The following DIPK2B variants were observed in gnomAD, a reference collection of about 807,000 sequenced individuals.
DIPK2B encodes the protein UPF0672 protein CXorf36.
Under a neutral mutation model 22.2 loss-of-function variants are expected in DIPK2B, and 15 were observed. The observed-to-expected ratio is 0.68, with a 90% CI of 0.45 to 1.04. The LOEUF (loss-of-function observed/expected upper bound fraction) is 1.04, where lower values mean the gene tolerates loss of function less well. Ranked by LOEUF, DIPK2B falls within the 50% of genes least tolerant of loss-of-function variation. The probability of loss-of-function intolerance (pLI) is 0.00; values close to 1 mark genes in which losing one functional copy is unlikely to be tolerated. For missense variants in DIPK2B, 345 were observed against 348.3 expected (o/e 0.99, Z 0.08); for synonymous variants, 163 against 153.2 (o/e 1.06, Z -0.47).
chrX:45,152,699 G>A (rs2046968030), intron 4 of DIPK2B, among the ~76,000 whole-genome samples: 1 of 111,693 alleles, frequency 9.0e-6, no homozygotes, highest in Non-Finnish European at 1.9e-5. Context: ...GGGAGGCTGA[G>A]ATGGGTGGAT....
At chrX:45,185,524 AG>A (rs2047177357) in intron 2 of DIPK2B, among the ~76,000 whole-genome samples, 1 of 110,878 alleles carries the variant, frequency 9.0e-6, no homozygotes, top group African/African-American at 3.3e-5. Flanking sequence ...ATCATCTGGA[AG>A]GAGCCACTGG....
At chrX:45,187,644 C>T (rs2047190903) in intron 2 of DIPK2B, among the ~76,000 whole-genome samples, 1 of 111,550 alleles carries the variant, frequency 9.0e-6, no homozygotes, top group African/African-American at 3.3e-5. Context: ...GAGGGGAGCC[C>T]GGGACTCCCT....
intron 2 of DIPK2B, among the ~76,000 whole-genome samples, chrX:45,190,874 T>G (rs2047207202): frequency 8.9e-6 from 1 of 112,479 alleles, no homozygotes; most frequent in Non-Finnish European, 1.9e-5. Context: ...GTACTGTTAT[T>G]ACGGAAGTAT....
At chrX:45,189,952 T>C (rs1452864139) in intron 2 of DIPK2B, among the ~76,000 whole-genome samples, 1 of 112,239 alleles carries the variant, frequency 8.9e-6, no homozygotes, top group African/African-American at 3.2e-5. Flanking sequence ...GGCTGTGTCT[T>C]ACCAGCATGT....
chrX:45,166,978 C>A (rs375505005), intron 2 of DIPK2B, among the ~76,000 whole-genome samples: 150 of 112,337 alleles, frequency 1.3e-3, no homozygotes, highest in African/African-American at 4.6e-3. Flanking sequence ...TCTGGTTACA[C>A]ACCTGAACAA....
At position 45,158,749 on chromosome X, in the gene DIPK2B, A is replaced by C. The variant is rs184131368; in HGVS notation, c.499-861T>G. On this transcript the variant is annotated intron_variant, in intron 2 of 4. Transcript: ENST00000398000. ...TGGACAAGTTACTTAGTCTCTCTGT[A>C]CCTCCGGTTCCAGTTTGAAGTGAGG... 5.3e-3 allele frequency among the ~76,000 whole-genome samples: 592 copies of C among 111,742 alleles called. 5 individuals carry two copies. The highest frequency in any genetic ancestry group is 7.6e-3 in the Non-Finnish European group (403 of 53,151).
At chrX:45,178,997 C>T (rs1281695772) in intron 2 of DIPK2B, among the ~76,000 whole-genome samples, 2 of 111,388 alleles carry the variant, frequency 1.8e-5, no homozygotes, top group Non-Finnish European at 3.8e-5. Context: ...AAGAAAACTA[C>T]ACAAACAAAG....
intron 2 of DIPK2B, among the ~76,000 whole-genome samples, chrX:45,184,826 G>C (rs12689250): frequency 0.17 from 18,404 of 111,163 alleles, 1,239 homozygotes; most frequent in East Asian, 0.44. Context: ...TCATAGTTTG[G>C]GGAAATATAG....
chrX:45,179,413 A>T (rs747119150), intron 2 of DIPK2B, among the ~76,000 whole-genome samples: 1 of 111,232 alleles, frequency 9.0e-6, no homozygotes, highest in African/African-American at 3.3e-5. Context: ...AAGCAAAAAA[A>T]CGGAAAACTA....
At chrX:45,193,637 A>C (rs2047223693) in intron 1 of DIPK2B, among the ~76,000 whole-genome samples, 1 of 112,675 alleles carries the variant, frequency 8.9e-6, no homozygotes, top group Non-Finnish European at 1.9e-5. Context: ...GCGCCAGTGG[A>C]AACTGTCAGA....
Position 45,191,871 on chromosome X carries a change from G to C in DIPK2B, c.378C>G (p.Asp126Glu), listed in dbSNP as rs1460318852. 9.2e-5 allele frequency: 111 copies of C among 1,210,517 alleles called. No individual in the cohort carries two copies. The highest frequency in any genetic ancestry group is 1.2e-4 in the Non-Finnish European group (109 of 895,342). ...CTGATGCAGAGGCACAGATTCTCCT[G>C]TCTGAGATCTCGTTTTGATATTTGC... Reference protein sequence around the residue: ...LVSKYQNEISDRRICASASAP... With the variant: ...LVSKYQNEISERRICASASAP... The change falls in exon 2 of 5, where the codon GAC (aspartate) becomes GAG (glutamate). Residue 126 changes from aspartate to glutamate, a missense_variant. Transcript: ENST00000398000.
chrX:45,189,032 A>T (rs1169967502), intron 2 of DIPK2B, among the ~76,000 whole-genome samples: 1 of 112,212 alleles, frequency 8.9e-6, no homozygotes, highest in African/African-American at 3.2e-5. Flanking sequence ...GGCTATTATG[A>T]ATAGTGCTGC....
chrX:45,190,491 C>G (rs1378868145), intron 2 of DIPK2B, among the ~76,000 whole-genome samples: 1 of 111,272 alleles, frequency 9.0e-6, no homozygotes, highest in Non-Finnish European at 1.9e-5. Context: ...AACTATAATG[C>G]CGGGTGGTGA....
chrX:45,174,267 GGTT>G (rs1326642824), intron 2 of DIPK2B, among the ~76,000 whole-genome samples: 4 of 111,727 alleles, frequency 3.6e-5, no homozygotes, highest in African/African-American at 1.3e-4. Context: ...TCCTGTCTGA[GGTT>G]GTTGTAAGTG....
At chrX:45,188,966 A>G (rs1213659596) in intron 2 of DIPK2B, among the ~76,000 whole-genome samples, 1 of 112,371 alleles carries the variant, frequency 8.9e-6, no homozygotes, top group African/African-American at 3.2e-5. Flanking sequence ...GATAGAATAT[A>G]TTTTGTTTAT....
chrX:45,166,291 C>T (rs905076669), intron 2 of DIPK2B, among the ~76,000 whole-genome samples: 16 of 111,091 alleles, frequency 1.4e-4, no homozygotes, highest in African/African-American at 5.2e-4. Flanking sequence ...AAGTACTGGG[C>T]CAGGGATGGC....
chrX:45,182,356 C>T (rs1212580765), intron 2 of DIPK2B, among the ~76,000 whole-genome samples: 4 of 111,586 alleles, frequency 3.6e-5, no homozygotes, highest in African/African-American at 1.3e-4. Context: ...GATATACTGC[C>T]AAACTCCCAC....
At chrX:45,157,613 C>T in intron 3 of DIPK2B, 102 bp downstream of exon 3, 1 of 892,245 alleles carries the variant, frequency 1.1e-6, no homozygotes, top group Non-Finnish European at 1.6e-6. Context: ...GGCTAGTGGC[C>T]CAAGACATGC....
intron 2 of DIPK2B, among the ~76,000 whole-genome samples, chrX:45,169,076 A>G (rs1258246162): frequency 2.7e-5 from 3 of 111,844 alleles, no homozygotes; most frequent in African/African-American, 9.8e-5. Context: ...CATAGGACTC[A>G]TGTTCTGAGC....
Sources: gnomAD v4.1 joint callset for allele counts (sites outside exome capture counted in the v4.1 genomes callset) on GRCh38, gnomAD v4.1.1 for gene constraint, MANE v1.5 for transcripts, NCBI Gene and HGNC (gene_info 2026-07-23, HGNC 2026-07-21) for gene names.